The following S100Z variants were observed in gnomAD, a reference collection of about 807,000 sequenced individuals.
S100Z encodes protein S100-Z.
A neutral mutation model predicts 8.5 loss-of-function variants in S100Z; 11 were observed. The observed-to-expected ratio is 1.30, with a 90% CI of 0.82 to 2.15. The LOEUF (loss-of-function observed/expected upper bound fraction) is 2.15. Among genes scored for constraint, S100Z ranks in the 30% most tolerant of loss-of-function variants. S100Z has a pLI of 0.00. For synonymous variants in S100Z, 34 were observed against 43.8 expected, an observed-to-expected ratio of 0.78 and a Z score of 0.89; for missense variants, 126 against 117.9, an observed-to-expected ratio of 1.07 and a Z score of -0.32.
At chr5:76,887,395 CTTTTTT>C (rs70982657) in intron 4 of S100Z, among the ~76,000 whole-genome samples, 2 of 74,692 alleles carry the variant, frequency 2.7e-5, no homozygotes, top group African/African-American at 5.4e-5. Context: ...CTGTGCCAGG[CTTTTTT>C]TTTTTTTTTT....
chr5:76,877,527 C>T (rs1743239993), intron 3 of S100Z, 147 bp from the exon 4 acceptor site: 1 of 591,142 alleles, frequency 1.7e-6, no homozygotes. Context: ...GGCTGGTTTA[C>T]ACCTACCTGT....
At chr5:76,853,690 G>C (rs1750795682) in intron 1 of S100Z, among the ~76,000 whole-genome samples, 1 of 152,026 alleles carries the variant, frequency 6.6e-6, no homozygotes, top group African/African-American at 2.4e-5. Flanking sequence ...CCAGCTACTG[G>C]GGAGGCTGAG....
At chr5:76,928,450 C>T in the S100Z span, among the ~76,000 whole-genome samples, 1 of 152,118 alleles carries the variant, frequency 6.6e-6, no homozygotes, top group Non-Finnish European at 1.5e-5. Context: ...TCCCTCATGG[C>T]ATATTTTATA....
At chr5:76,886,466 G>C (rs188030527) in intron 4 of S100Z, among the ~76,000 whole-genome samples, 17 of 152,204 alleles carry the variant, frequency 1.1e-4, no homozygotes, top group South Asian at 2.1e-4. Flanking sequence ...TCGGTGAGAT[G>C]TTCCTTGGGC....
the S100Z span, among the ~76,000 whole-genome samples, chr5:76,948,006 C>T: frequency 6.6e-6 from 1 of 152,084 alleles, no homozygotes; most frequent in Non-Finnish European, 1.5e-5. Context: ...CAAAAATAGG[C>T]TAGTGGGACT....
intron 1 of S100Z, among the ~76,000 whole-genome samples, chr5:76,863,883 C>T (rs1055697885): frequency 6.6e-6 from 1 of 152,076 alleles, no homozygotes; most frequent in Non-Finnish European, 1.5e-5. Flanking sequence ...AAATGGTTGC[C>T]CTAAGTATGT....
the S100Z span, among the ~76,000 whole-genome samples, chr5:76,933,371 A>G: frequency 5.3e-5 from 8 of 152,290 alleles, no homozygotes; most frequent in East Asian, 1.5e-3. Context: ...GGCCTCTTCG[A>G]GAGGATTTCT....
chr5:76,863,543 T>A (rs1244793325), intron 1 of S100Z, among the ~76,000 whole-genome samples: 1 of 152,192 alleles, frequency 6.6e-6, no homozygotes, highest in Non-Finnish European at 1.5e-5. Context: ...TTTATTTTAT[T>A]TTATTTATTT....
At chr5:76,939,840 T>C in the S100Z span, among the ~76,000 whole-genome samples, 1 of 151,908 alleles carries the variant, frequency 6.6e-6, no homozygotes, top group African/African-American at 2.4e-5. Context: ...GTTTTTAAAA[T>C]TGGCACGTCT....
the S100Z span, among the ~76,000 whole-genome samples, chr5:76,927,211 C>T: frequency 2.6e-5 from 4 of 152,304 alleles, no homozygotes; most frequent in South Asian, 6.2e-4. Flanking sequence ...CCTTTCTGTG[C>T]TCTGGGGGAG....
At position 76,907,637 on chromosome 5, in the gene S100Z, G is replaced by T. The variant is rs149677920; in HGVS notation, c.*3-13080G>T. Among the ~76,000 whole-genome samples the T allele has an allele frequency of 3.0e-3, 464 of 152,208 alleles. 1 individual carries two copies. Among genetic ancestry groups the T allele is most frequent in the African/African-American group, 0.011 (437 of 41,538 alleles). ...TAATTCTTGAAATAAGATAGTCTGA[G>T]TCTTAAAATTTTGTTCTTCTTTTTC... On this transcript the variant is annotated intron_variant, in intron 4 of 4. Coordinates refer to ENST00000317593, the MANE Select transcript of S100Z (RefSeq NM_130772.4).
intron 1 of S100Z, among the ~76,000 whole-genome samples, chr5:76,855,831 G>C (rs931131638): frequency 1.3e-5 from 2 of 152,154 alleles, no homozygotes; most frequent in South Asian, 4.1e-4. Flanking sequence ...AGAATGATAT[G>C]GTTTGGATCT....
Position 76,885,447 on chromosome 5 carries a change from C to T in S100Z, c.*2+7613C>T, listed in dbSNP as rs943658050. Among the ~76,000 whole-genome samples, 4 of 12,958 alleles carry T rather than the reference C, an allele frequency of 3.1e-4. 1 individual carries two copies. The highest frequency in any genetic ancestry group is 5.6e-4 in the Non-Finnish European group (4 of 7,206). The allele number at this position is 12,958 out of a possible 152,430, so 8.5% of individuals were successfully genotyped here. A position where few individuals can be genotyped will look rare whatever the true frequency, so the allele number is the denominator to read the frequency against. ...TGGGAACAGGGTGGGAGGTGCTTGT[C>T]CCCAGGAAAGTGGGAACGGGGTGGG... On this transcript the variant is annotated intron_variant, in intron 4 of 4. Coordinates refer to ENST00000317593, the MANE Select transcript of S100Z (RefSeq NM_130772.4).
At chr5:76,929,528 C>T in the S100Z span, among the ~76,000 whole-genome samples, 2 of 152,152 alleles carry the variant, frequency 1.3e-5, no homozygotes, top group Non-Finnish European at 2.9e-5. Context: ...AAGTGCATGA[C>T]AATATCCTCT....
chr5:76,895,765 C>CTT (rs57723242), intron 4 of S100Z, among the ~76,000 whole-genome samples: 994 of 88,342 alleles, frequency 0.011, 28 homozygotes, highest in East Asian at 0.089. Flanking sequence ...TCTTTTCTTC[C>CTT]TTTTTTTTTT....
intron 1 of S100Z, among the ~76,000 whole-genome samples, chr5:76,853,360 G>A (rs1750785946): frequency 6.6e-6 from 1 of 152,170 alleles, no homozygotes; most frequent in African/African-American, 2.4e-5. Flanking sequence ...GCCCTTGATA[G>A]CATTGACAAA....
intron 4 of S100Z, among the ~76,000 whole-genome samples, chr5:76,883,573 C>T (rs986965629): frequency 2.0e-5 from 3 of 152,182 alleles, no homozygotes; most frequent in African/African-American, 4.8e-5. Flanking sequence ...CGGACTTACC[C>T]TCCACTGTAA....
the S100Z span, among the ~76,000 whole-genome samples, chr5:76,945,930 G>T: frequency 6.6e-6 from 1 of 152,154 alleles, no homozygotes; most frequent in Admixed American, 6.5e-5. Context: ...CACAGGTGTG[G>T]AGGGGCAGGC....
chr5:76,924,127 C>G (rs1049296180), downstream of S100Z, among the ~76,000 whole-genome samples: 1 of 152,204 alleles, frequency 6.6e-6, no homozygotes, highest in South Asian at 2.1e-4. Flanking sequence ...GGAGCCCAGA[C>G]ACTGTTCTCT....
Sources: allele counts gnomAD v4.1 joint callset (sites outside exome capture counted in the v4.1 genomes callset), GRCh38; gene constraint gnomAD v4.1.1; transcripts MANE v1.5; gene names NCBI Gene and HGNC (gene_info 2026-07-23, HGNC 2026-07-21).